The following MYH1 variants were observed in gnomAD, a reference collection of about 807,000 sequenced individuals.
MYH1 encodes the protein myosin-1.
In MYH1, 214 loss-of-function variants were observed where a neutral mutation model predicts 225.6. The ratio of observed to expected loss-of-function variants is 0.95; its 90% CI spans 0.85 to 1.06. The LOEUF (loss-of-function observed/expected upper bound fraction) is 1.06. Among genes scored for constraint, MYH1 ranks in the 50% least tolerant of loss-of-function variants. The probability of loss-of-function intolerance (pLI) is 0.00; values close to 1 mark genes in which losing one functional copy is unlikely to be tolerated. For missense variants in MYH1, 2,098 were observed against 2,344.2 expected (o/e 0.89, Z 2.17); for synonymous variants, 774 against 842.3 (o/e 0.92, Z 1.40).
At position 10,509,622 on chromosome 17, in the gene MYH1, T is replaced by G. The variant is rs202061954; in HGVS notation, c.1450A>C (p.Thr484Pro). 6 of 1,614,182 alleles carry G rather than the reference T, an allele frequency of 3.7e-6. No homozygotes were observed. The Admixed American group carries it at 1.0e-4, about 27-fold the overall frequency. Residue 484 changes from threonine to proline, a missense_variant, in exon 15 of 40, where the codon ACC becomes CCC. Thr to Pro is a conservative substitution (Grantham distance 38, BLOSUM62 -1). Coordinates refer to ENST00000226207, the MANE Select transcript of MYH1 (RefSeq NM_005963.4). The stretch of plus-strand genomic sequence containing the variant: ...AAAAACTGTTGCAGTTTCTCATTGG[T>G]GAAGTTGATGCACAGCTGCTCCAGG... ...NSLEQLCINF[T>P]NEKLQQFFNH...
At position 10,501,698 on chromosome 17, in the gene MYH1, C is replaced by T; in HGVS notation, c.3258-14G>A. On this transcript the variant is annotated splice_polypyrimidine_tract_variant and intron_variant, in intron 25 of 39. Transcript: ENST00000226207. ...TCAAACTCTTTCCTATTAGAAAAGC[C>T]CTTTATGTCAGTCTCAGAAATATTA... The T allele has an allele frequency of 6.2e-7, 1 of 1,614,098 alleles. No individual in the cohort carries two copies.
chr17:10,511,922 G>C lies in MYH1; in HGVS notation c.1333C>G (p.Arg445Gly). 1 of 1,614,134 alleles carries C rather than the reference G, an allele frequency of 6.2e-7. No homozygotes were observed. The change falls in exon 14 of 40, where the codon CGC becomes GGC. Residue 445 changes from arginine (R) to glycine (G), a missense_variant. By Grantham distance (125) the Arg-to-Gly change is moderately radical (BLOSUM62 -2). Transcript: ENST00000226207. ...YDKMFLWMVT[R>G]INQQLDTKQP... ...TTGGTGTCCAGCTGCTGGTTGATGC[G>C]GGTGACCATCCACAAGAACATCTTA...
intron 14 of MYH1, among the ~76,000 whole-genome samples, chr17:10,509,867 T>G (rs937561522): frequency 2.0e-5 from 3 of 152,074 alleles, no homozygotes; most frequent in Non-Finnish European, 2.9e-5. Context: ...TGCTTTCCTA[T>G]GCAATAAAAA....
At position 10,495,002 on chromosome 17, in the gene MYH1, G is replaced by A; in HGVS notation, c.5395C>T (p.His1799Tyr). The change falls in exon 37 of 40, where the codon CAT becomes TAT. Residue 1799 changes from histidine (H) to tyrosine (Y), a missense_variant. His to Tyr is a moderately conservative substitution (Grantham distance 83). Transcript: ENST00000226207. ...NLEQTVKDLQ[H>Y]RLDEAEQLAL... ...AGCTGCTCAGCCTCATCCAGACGAT[G>A]CTGCAGGTCCTTCACCGTCTGTTCC... 1 of 1,614,192 alleles carries A rather than the reference G, an allele frequency of 6.2e-7. No homozygotes were observed. Among genetic ancestry groups the A allele is most frequent in the Middle Eastern group, 1.6e-4 (1 of 6,062 alleles).
chr17:10,498,605 T>G, intron 30 of MYH1, 21 bp downstream of exon 30: 1 of 1,613,888 alleles, frequency 6.2e-7, no homozygotes, highest in Non-Finnish European at 8.5e-7. Flanking sequence ...TAGTTCCATT[T>G]TAACTAAGTC....
chr17:10,508,079 C>T lies in MYH1; in HGVS notation c.1898-123G>A, dbSNP rs546345218. On this transcript the variant is annotated intron_variant, in intron 16 of 39. Coordinates refer to ENST00000226207, the MANE Select transcript of MYH1 (RefSeq NM_005963.4). ...GGTTGCCCAGGCTGGAGTGCAGTGGCGTGATCTCGGCTCACTGCAACCTCC... is the reference window on the plus strand; with the variant it reads ...GGTTGCCCAGGCTGGAGTGCAGTGGTGTGATCTCGGCTCACTGCAACCTCC... The T allele has an allele frequency of 8.1e-5, 67 of 825,498 alleles. No homozygotes were observed. In the South Asian group the frequency reaches 1.1e-3, roughly 13 times the overall value. The allele number at this position is 825,498 out of a possible 1,614,324, so 51.1% of individuals were successfully genotyped here.
rs771228112 is a variant in MYH1, at chr17:10,498,730, G to A, written c.4077C>T (p.Ala1359=). The part of the protein sequence containing the change: ...EQYEEEQEAK[A]ELQRAMSKAN... ...CCTTGGACATTGCTCTCTGTAGCTC[G>A]GCCTTGGCTTCCTGCTCCTCCTCAT... is the stretch of plus-strand genomic sequence containing the variant. The change falls in exon 30 of 40, where the codon GCC becomes GCT. Residue 1359 remains alanine, a synonymous_variant. Coordinates refer to ENST00000226207, the MANE Select transcript of MYH1 (RefSeq NM_005963.4). 1.7e-5 allele frequency: 28 copies of A among 1,613,970 alleles called. No homozygotes were observed. The East Asian group carries it at 2.0e-4, about 12-fold the overall frequency.
chr17:10,494,844 GCC>G, intron 37 of MYH1, 85 bp downstream of exon 37: 1 of 1,609,612 alleles, frequency 6.2e-7, no homozygotes, highest in Non-Finnish European at 8.5e-7. Flanking sequence ...ATCTCAGTAT[GCC>G]CCACATCATC....
At position 10,516,457 on chromosome 17, in the gene MYH1, A is replaced by G. The variant is rs1415351788; in HGVS notation, c.186T>C (p.Ala62=). The change falls in exon 3 of 40, where the codon GCT becomes GCC. Residue 62 remains alanine, a synonymous_variant. Coordinates refer to ENST00000226207, the MANE Select transcript of MYH1 (RefSeq NM_005963.4). ...VQSREGGKVT[A]KTEAGATVTV... ...TACTCACAGCTCCAGCTTCGGTCTT[A>G]GCTGTCACCTTCCCCCCTTCCCTGC... The G allele has an allele frequency of 1.2e-5, 19 of 1,614,120 alleles. No homozygotes were observed. Among genetic ancestry groups the G allele is most frequent in the Admixed American group, 1.7e-5 (1 of 60,010 alleles).
chr17:10,497,926 T>C lies in MYH1; in HGVS notation c.4182-9A>G. The C allele has an allele frequency of 4.4e-6, 7 of 1,590,664 alleles. No individual in the cohort carries two copies. Among genetic ancestry groups the C allele is most frequent in the Non-Finnish European group, 6.0e-6 (7 of 1,172,990 alleles). Reference sequence around the variant, plus strand: ...GCTGAGCCAGCTTCTTCCTATGAAATATGGGCAATAAAAGTGAATGGCTGT... The same window carrying C: ...GCTGAGCCAGCTTCTTCCTATGAAACATGGGCAATAAAAGTGAATGGCTGT... On this transcript the variant is annotated splice_polypyrimidine_tract_variant and intron_variant, in intron 30 of 39. Transcript: ENST00000226207.
chr17:10,494,929 A>C lies in MYH1; in HGVS notation c.5466+2T>G, dbSNP rs1311386728. 6.2e-7 allele frequency: 1 copy of C among 1,613,976 alleles called. No homozygotes were observed. The highest frequency in any genetic ancestry group is 1.7e-5 in the Admixed American group (1 of 60,010). On this transcript the variant is annotated splice_donor_variant, in intron 37 of 39. Transcript: ENST00000226207. LOFTEE classifies it high-confidence loss of function. ...GAAATACATGCTGATTAGGAGACCC[A>C]CCCTGGCCTCCAGTTTCTGGATCTG...
rs760083213 is a variant in MYH1 at position 10,512,755 on chromosome 17, C to A, written c.934G>T (p.Asp312Tyr). Residue 312 changes from aspartate to tyrosine, a missense_variant, in exon 11 of 40, where the codon GAT becomes TAT. Transcript: ENST00000226207. ...TCCCCTTGACTGACGAAGGCATAATCGTATGGGTTGGTGGTGATCAGGAGC... is the reference window on the plus strand; with the variant it reads ...TCCCCTTGACTGACGAAGGCATAATAGTATGGGTTGGTGGTGATCAGGAGC... ...EMLLITTNPY[D>Y]YAFVSQGEIT... 1 of 1,614,016 alleles carries A rather than the reference C, an allele frequency of 6.2e-7. No homozygotes were observed. Among genetic ancestry groups the A allele is most frequent in the Admixed American group, 1.7e-5 (1 of 60,010 alleles).
chr17:10,497,552 G>GA lies in MYH1; in HGVS notation c.4366-101dup, dbSNP rs563500749. 6,833 of 1,496,854 alleles carry GA rather than the reference G, an allele frequency of 4.6e-3. 22 individuals carry two copies. The highest frequency in any genetic ancestry group is 0.011 in the Middle Eastern group (54 of 5,018). The allele number at this position is 1,496,854 out of a possible 1,614,324, so 92.7% of individuals were successfully genotyped here. A position where few individuals can be genotyped will look rare whatever the true frequency, so the allele number is the denominator to read the frequency against. The stretch of plus-strand genomic sequence containing the variant: ...CTCAGAGTTGAGGTGTTCTGGGACT[G>GA]AAAAAAAATTATGAATGAGAAGAAT... On this transcript the variant is annotated intron_variant, in intron 31 of 39. Coordinates refer to ENST00000226207, the MANE Select transcript of MYH1 (RefSeq NM_005963.4).
rs779537092 is a variant in MYH1, at chr17:10,501,356, C to A, written c.3492G>T (p.Gln1164His). The change falls in exon 27 of 40, where the codon CAG becomes CAT. Residue 1164 changes from glutamine to histidine, a missense_variant. Gln to His is a conservative substitution (Grantham distance 24, BLOSUM62 0). Coordinates refer to ENST00000226207, the MANE Select transcript of MYH1 (RefSeq NM_005963.4). ...LEEAGGATSAQIEMNKKREAE... is the reference protein window; with the variant it reads ...LEEAGGATSAHIEMNKKREAE... Reference sequence around the variant, plus strand: ...CCTCCCGCTTCTTGTTCATCTCAATCTGGGCTGAGGTGGCCCCACCGGCTT... The same window carrying A: ...CCTCCCGCTTCTTGTTCATCTCAATATGGGCTGAGGTGGCCCCACCGGCTT... 2.5e-6 allele frequency: 4 copies of A among 1,614,154 alleles called. No individual in the cohort carries two copies. Among genetic ancestry groups the A allele is most frequent in the Non-Finnish European group, 2.5e-6 (3 of 1,180,044 alleles).
intron 14 of MYH1, among the ~76,000 whole-genome samples, chr17:10,510,684 G>A (rs1195747867): frequency 6.6e-6 from 1 of 152,290 alleles, no homozygotes; most frequent in Non-Finnish European, 1.5e-5. Context: ...CGAAGTGCCA[G>A]AAGCCAGTCA....
chr17:10,501,356 C>T lies in MYH1; in HGVS notation c.3492G>A (p.Gln1164=). Residue 1164 remains glutamine (Q), a synonymous_variant, in exon 27 of 40, where the codon CAG becomes CAA. Transcript: ENST00000226207. ...LEEAGGATSA[Q]IEMNKKREAE... ...CCTCCCGCTTCTTGTTCATCTCAAT[C>T]TGGGCTGAGGTGGCCCCACCGGCTT... The T allele has an allele frequency of 6.2e-7, 1 of 1,614,154 alleles. No homozygotes were observed. The highest frequency in any genetic ancestry group is 8.5e-7 in the Non-Finnish European group (1 of 1,180,044).
At chr17:10,516,401 G>T (rs752826370) in intron 3 of MYH1, 38 bp downstream of exon 3, 3 of 1,614,172 alleles carry the variant, frequency 1.9e-6, no homozygotes, top group Non-Finnish European at 2.5e-6. Context: ...AACCCAAAAT[G>T]AGGCAGAGTC....
At chr17:10,512,213 T>C (rs372410253) in intron 12 of MYH1, 21 bp from the exon 13 acceptor site, 2 of 1,606,836 alleles carry the variant, frequency 1.2e-6, no homozygotes, top group African/African-American at 1.3e-5. Context: ...ATAATTCAGA[T>C]ACCTAATATG....
rs2073062434 is a variant in MYH1, at chr17:10,501,931, G to T, written c.3112-20C>A. On this transcript the variant is annotated intron_variant, in intron 24 of 39. Coordinates refer to ENST00000226207, the MANE Select transcript of MYH1 (RefSeq NM_005963.4). ...TTCAAGCTAAAAGTTAATAATCCATGAATATGGTTCTTAGAATGGTAGCAC... is the reference window on the plus strand; with the variant it reads ...TTCAAGCTAAAAGTTAATAATCCATTAATATGGTTCTTAGAATGGTAGCAC... The T allele has an allele frequency of 6.3e-7, 1 of 1,592,758 alleles. No individual in the cohort carries two copies. Among genetic ancestry groups the T allele is most frequent in the African/African-American group, 1.4e-5 (1 of 73,468 alleles).
Sources: allele counts gnomAD v4.1 joint callset (sites outside exome capture counted in the v4.1 genomes callset), GRCh38; gene constraint gnomAD v4.1.1; transcripts MANE v1.5; gene names NCBI Gene and HGNC (gene_info 2026-07-23, HGNC 2026-07-21).